SCAF8: variants seen among roughly 807,000 people sequenced by gnomAD.
SCAF8 encodes SR-related and CTD-associated factor 8.
Under a neutral mutation model 140.5 loss-of-function variants are expected in SCAF8, and 23 were observed. The observed-to-expected ratio is 0.16, with a 90% CI of 0.12 to 0.23. The LOEUF (loss-of-function observed/expected upper bound fraction) is 0.23. Ranked by LOEUF, SCAF8 falls within the 10% of genes least tolerant of loss-of-function variation. The probability of loss-of-function intolerance (pLI) is 1.00; values close to 1 mark genes in which losing one functional copy is unlikely to be tolerated. For synonymous variants in SCAF8, 575 were observed against 528.9 expected, an observed-to-expected ratio of 1.09 and a Z score of -1.20; for missense variants, 1,397 against 1,555.7, an observed-to-expected ratio of 0.90 and a Z score of 1.72.
chr6:154,784,280 AAGG>A (rs1226334436), intron 3 of SCAF8, among the ~76,000 whole-genome samples: 1 of 151,610 alleles, frequency 6.6e-6, no homozygotes, highest in East Asian at 1.9e-4. Flanking sequence ...AATAGTTTGA[AAGG>A]AGTATATTTC....
At position 154,827,013 on chromosome 6, in the gene SCAF8, C is replaced by T. The variant is rs374199500; in HGVS notation, c.2072-159C>T. 2.7e-4 allele frequency among the ~76,000 whole-genome samples: 41 copies of T among 151,734 alleles called. No individual in the cohort carries two copies. The South Asian group carries it at 7.7e-3, about 29-fold the overall frequency. ...GCTTATTAGGGATCAAATAAGGCAG[C>T]GTATATAAAAGCCATTTCTAAAATA... is the stretch of plus-strand genomic sequence containing the variant. On this transcript the variant is annotated intron_variant, in intron 17 of 19. Transcript: ENST00000367178.
intron 8 of SCAF8, 62 bp from the exon 9 acceptor site, chr6:154,805,307 A>C (rs1777881605): frequency 1.1e-6 from 1 of 927,708 alleles, no homozygotes; most frequent in South Asian, 1.6e-5. Flanking sequence ...TTGAATACTC[A>C]GTTATTTTCA....
intron 1 of SCAF8, among the ~76,000 whole-genome samples, chr6:154,745,336 T>C (rs1427332511): frequency 6.6e-6 from 1 of 152,238 alleles, no homozygotes; most frequent in Non-Finnish European, 1.5e-5. Flanking sequence ...AATCATGTTG[T>C]CCACATATTC....
At chr6:154,743,048 T>A (rs1420396752) in intron 1 of SCAF8, among the ~76,000 whole-genome samples, 1 of 152,224 alleles carries the variant, frequency 6.6e-6, no homozygotes, top group African/African-American at 2.4e-5. Flanking sequence ...TTTCCTTTTG[T>A]CTCATTAGCA....
rs576421529 is a variant in SCAF8, at chr6:154,827,199, C to T, written c.2099C>T (p.Pro700Leu). ...PGFMPPPVPPPVVPPPTIPPV... is the reference protein window; with the variant it reads ...PGFMPPPVPPLVVPPPTIPPV... Reference sequence around the variant, plus strand: ...TTCATGCCGCCTCCAGTTCCCCCACCTGTTGTGCCACCCCCTACGATTCCA... The same window carrying T: ...TTCATGCCGCCTCCAGTTCCCCCACTTGTTGTGCCACCCCCTACGATTCCA... The change falls in exon 18 of 20, where the codon CCT becomes CTT. Residue 700 changes from proline (P) to leucine (L), a missense_variant. Transcript: ENST00000367178. The T allele has an allele frequency of 8.1e-6, 13 of 1,605,000 alleles. No homozygotes were observed. In the Admixed American group the frequency reaches 1.9e-4, roughly 23 times the overall value.
chr6:154,794,475 CAGAT>C (rs1284983076), intron 5 of SCAF8, among the ~76,000 whole-genome samples: 21 of 151,992 alleles, frequency 1.4e-4, no homozygotes, highest in Admixed American at 7.9e-4. Flanking sequence ...GATATTTTGA[CAGAT>C]AGGGAAAAAG....
At position 154,818,576 on chromosome 6, in the gene SCAF8, G is replaced by T; in HGVS notation, c.1619G>T (p.Gly540Val). ...QKLSSGSYKI[G>V]SKVIKIAWAL... ...CTCAGTTCTGGATCATATAAAATTGGGTCCAAGGTCATTAAGGTGAGATTT... is the reference window on the plus strand; with the variant it reads ...CTCAGTTCTGGATCATATAAAATTGTGTCCAAGGTCATTAAGGTGAGATTT... Residue 540 changes from glycine to valine, a missense_variant, in exon 14 of 20, where the codon GGG becomes GTG. By Grantham distance (109) the Gly-to-Val change is moderately radical. Around this residue, in one of 5 missense-constraint regions of SCAF8, gnomAD observed 59 missense variants for 110.7 expected, o/e 0.53. Coordinates refer to ENST00000367178, the MANE Select transcript of SCAF8 (RefSeq NM_014892.5). 6.3e-7 allele frequency: 1 copy of T among 1,588,342 alleles called. No individual in the cohort carries two copies. The highest frequency in any genetic ancestry group is 8.6e-7 in the Non-Finnish European group (1 of 1,162,622).
At chr6:154,793,016 A>G (rs761046247) in intron 5 of SCAF8, 40 bp downstream of exon 5, 2 of 1,493,928 alleles carry the variant, frequency 1.3e-6, no homozygotes, top group Admixed American at 2.2e-5. Context: ...TAAATATTCT[A>G]CTCATACTTT....
chr6:154,796,180 C>T (rs192769558), intron 6 of SCAF8, among the ~76,000 whole-genome samples: 1 of 151,838 alleles, frequency 6.6e-6, no homozygotes, highest in East Asian at 1.9e-4. Flanking sequence ...CATTTTTGTC[C>T]CACTGTGATG....
intron 3 of SCAF8, among the ~76,000 whole-genome samples, chr6:154,785,447 C>CT (rs1472799695): frequency 1.3e-5 from 2 of 152,338 alleles, no homozygotes; most frequent in East Asian, 3.9e-4. Context: ...GATTTACTCT[C>CT]TTCCTCGCAA....
chr6:154,825,619 A>G (rs931411370), intron 17 of SCAF8, among the ~76,000 whole-genome samples: 4 of 146,212 alleles, frequency 2.7e-5, no homozygotes, highest in Non-Finnish European at 5.9e-5. Flanking sequence ...TCGCACCACT[A>G]CACTCCAGCA....
intron 1 of SCAF8, among the ~76,000 whole-genome samples, chr6:154,745,445 C>T (rs1002241492): frequency 6.6e-6 from 1 of 152,140 alleles, no homozygotes; most frequent in Non-Finnish European, 1.5e-5. Flanking sequence ...GTGATCATGG[C>T]TCACTGCAGC....
intron 1 of SCAF8, among the ~76,000 whole-genome samples, chr6:154,767,521 T>A (rs896295364): frequency 1.4e-5 from 2 of 140,242 alleles, no homozygotes; most frequent in Admixed American, 7.8e-5. Context: ...AGCTGCTGCT[T>A]CTGTTATCTT....
At chr6:154,804,031 T>C (rs1384001442) in intron 8 of SCAF8, among the ~76,000 whole-genome samples, 3 of 151,954 alleles carry the variant, frequency 2.0e-5, no homozygotes, top group East Asian at 3.9e-4. Context: ...ATTGGAGTTA[T>C]GAGGATTTTT....
intron 1 of SCAF8, among the ~76,000 whole-genome samples, chr6:154,750,975 T>C (rs1282513465): frequency 2.6e-5 from 4 of 152,208 alleles, no homozygotes; most frequent in Non-Finnish European, 5.9e-5. Flanking sequence ...TGGGAATGAA[T>C]TGAAATTAAA....
chr6:154,800,475 CTA>C (rs1777740989), intron 6 of SCAF8, among the ~76,000 whole-genome samples: 1 of 151,462 alleles, frequency 6.6e-6, no homozygotes, highest in Admixed American at 6.6e-5. Flanking sequence ...GCTGTGAAAA[CTA>C]TAAATGGTGG....
intron 3 of SCAF8, 105 bp from the exon 4 acceptor site, chr6:154,787,756 C>T: frequency 1.2e-6 from 1 of 850,110 alleles, no homozygotes; most frequent in South Asian, 1.8e-5. Context: ...ATTACCATAG[C>T]ATAGGCAATG....
chr6:154,770,526 A>G (rs962254592), intron 1 of SCAF8, among the ~76,000 whole-genome samples: 4 of 151,786 alleles, frequency 2.6e-5, no homozygotes, highest in Admixed American at 6.6e-5. Context: ...ATCGGTGCTT[A>G]TGCCACTGTA....
At chr6:154,746,965 AGC>A (rs1778715123) in intron 1 of SCAF8, among the ~76,000 whole-genome samples, 1 of 152,244 alleles carries the variant, frequency 6.6e-6, no homozygotes, top group African/African-American at 2.4e-5. Flanking sequence ...AAACCAAAAC[AGC>A]AAAGCATTTA....
Sources: gnomAD v4.1 joint callset for allele counts (sites outside exome capture counted in the v4.1 genomes callset) on GRCh38, gnomAD v4.1.1 for gene constraint, gnomAD v4.1.1 regional missense constraint, MANE v1.5 for transcripts, NCBI Gene and HGNC (gene_info 2026-07-23, HGNC 2026-07-21) for gene names.